The following TAF1B variants were observed in gnomAD, a reference collection of about 807,000 sequenced individuals.
TAF1B encodes TATA box-binding protein-associated factor RNA polymerase I subunit B.
In TAF1B, 61 loss-of-function variants were observed where a neutral mutation model predicts 83.9. The ratio of observed to expected loss-of-function variants is 0.73; its 90% confidence interval spans 0.59 to 0.90. The LOEUF (loss-of-function observed/expected upper bound fraction) is 0.90, where lower values mean the gene tolerates loss of function less well. Among genes scored for constraint, TAF1B ranks in the 40% least tolerant of loss-of-function variants. The probability of loss-of-function intolerance (pLI) is 0.00; values close to 1 mark genes in which losing one functional copy is unlikely to be tolerated. For synonymous variants in TAF1B, 221 were observed against 224.6 expected (o/e 0.98, Z 0.14); for missense variants, 625 against 677.0 (o/e 0.92, Z 0.85).
intron 8 of TAF1B, among the ~76,000 whole-genome samples, chr2:9,885,274 T>A (rs1022606744): frequency 1.3e-5 from 2 of 152,294 alleles, no homozygotes; most frequent in East Asian, 1.9e-4. Context: ...GGATATCAGC[T>A]GAACTGTTTA....
At chr2:9,867,384 C>T (rs1000645140) in intron 5 of TAF1B, among the ~76,000 whole-genome samples, 2 of 152,254 alleles carry the variant, frequency 1.3e-5, no homozygotes, top group Non-Finnish European at 1.5e-5. Flanking sequence ...CATCAGCCAG[C>T]TTTCTGGTGT....
intron 11 of TAF1B, 118 bp downstream of exon 11, chr2:9,911,675 CA>C (rs1399044303): frequency 1.7e-6 from 1 of 579,234 alleles, no homozygotes; most frequent in Non-Finnish European, 2.8e-6. Context: ...CACATGTATA[CA>C]AATTGTATAT....
intron 8 of TAF1B, among the ~76,000 whole-genome samples, chr2:9,892,680 C>T (rs1296367378): frequency 3.3e-5 from 5 of 152,176 alleles, no homozygotes; most frequent in Non-Finnish European, 7.3e-5. Context: ...ATTCATCCAT[C>T]GATGGACACT....
At chr2:9,892,171 A>G (rs1664890294) in intron 8 of TAF1B, among the ~76,000 whole-genome samples, 1 of 152,158 alleles carries the variant, frequency 6.6e-6, no homozygotes, top group Admixed American at 6.5e-5. Context: ...AATACTTGCC[A>G]TTGTGTTACA....
At chr2:9,873,519 T>G (rs1664231676) in intron 6 of TAF1B, among the ~76,000 whole-genome samples, 1 of 152,138 alleles carries the variant, frequency 6.6e-6, no homozygotes. Flanking sequence ...AAAGTATAGA[T>G]TCTTATATTC....
intron 8 of TAF1B, among the ~76,000 whole-genome samples, chr2:9,885,874 T>C (rs374000821): frequency 1.2e-4 from 19 of 152,252 alleles, no homozygotes; most frequent in African/African-American, 4.3e-4. Flanking sequence ...GAAATCATCA[T>C]GTTATCTTTA....
chr2:9,903,375 G>T (rs383724), intron 8 of TAF1B, among the ~76,000 whole-genome samples: 1 of 151,994 alleles, frequency 6.6e-6, no homozygotes, highest in Non-Finnish European at 1.5e-5. Context: ...GTGGGCCACC[G>T]TACCCTGGCC....
At position 9,913,211 on chromosome 2, in the gene TAF1B, T is replaced by G; in HGVS notation, c.1233T>G (p.Phe411Leu). 6.2e-7 allele frequency: 1 copy of G among 1,613,246 alleles called. No individual in the cohort carries two copies. The highest frequency in any genetic ancestry group is 8.5e-7 in the Non-Finnish European group (1 of 1,179,762). The change falls in exon 12 of 15, where the codon TTT (phenylalanine) becomes TTG (leucine). Residue 411 changes from phenylalanine (F) to leucine (L), a missense_variant. Phe to Leu is a conservative substitution (Grantham distance 22). Transcript: ENST00000263663. Reference sequence around the variant, plus strand: ...GGTACCAAATTATGAAGAAAGCTTTTGATGAGAAAAAACAAAAATGGGAAG... The same window carrying G: ...GGTACCAAATTATGAAGAAAGCTTTGGATGAGAAAAAACAAAAATGGGAAG... Reference protein sequence around the residue: ...RKWYQIMKKAFDEKKQKWEEA... With the variant: ...RKWYQIMKKALDEKKQKWEEA...
At chr2:9,863,570 T>C (rs1464599761) in intron 5 of TAF1B, among the ~76,000 whole-genome samples, 1 of 152,192 alleles carries the variant, frequency 6.6e-6, no homozygotes, top group African/African-American at 2.4e-5. Context: ...TATCCAGGAA[T>C]TGAACTCAGC....
chr2:9,920,585 G>GTGGA (rs1558268461), intron 14 of TAF1B, among the ~76,000 whole-genome samples: 2 of 117,866 alleles, frequency 1.7e-5, no homozygotes, highest in Non-Finnish European at 3.4e-5. Context: ...GGGGCGGGGG[G>GTGGA]CGGGGGGTCC....
chr2:9,863,601 T>C (rs1167251691), intron 5 of TAF1B, among the ~76,000 whole-genome samples: 1 of 152,210 alleles, frequency 6.6e-6, no homozygotes, highest in Non-Finnish European at 1.5e-5. Flanking sequence ...GTGGACCTAA[T>C]AGACATCTAT....
At chr2:9,888,569 G>A (rs1664748753) in intron 8 of TAF1B, among the ~76,000 whole-genome samples, 1 of 151,798 alleles carries the variant, frequency 6.6e-6, no homozygotes, top group East Asian at 1.9e-4. Context: ...TAGAATTCTA[G>A]TTTCATACCT....
chr2:9,854,414 A>G lies in TAF1B; in HGVS notation c.392A>G (p.Lys131Arg). 1 of 1,612,640 alleles carries G rather than the reference A, an allele frequency of 6.2e-7. No individual in the cohort carries two copies. Reference sequence around the variant, plus strand: ...AACCCAGTTTATACCACTGGAAGGAAACCTACGGTAAGTCACAAGTCTGAA... The same window carrying G: ...AACCCAGTTTATACCACTGGAAGGAGACCTACGGTAAGTCACAAGTCTGAA... ...CKNPVYTTGR[K>R]PTVLEDNLSH... Residue 131 changes from lysine (K) to arginine (R), a missense_variant, in exon 5 of 15, where the codon AAA becomes AGA. Coordinates refer to ENST00000263663, the MANE Select transcript of TAF1B (RefSeq NM_005680.3).
At chr2:9,908,496 G>A (rs892747816) in intron 9 of TAF1B, among the ~76,000 whole-genome samples, 9 of 152,116 alleles carry the variant, frequency 5.9e-5, no homozygotes, top group African/African-American at 2.2e-4. Flanking sequence ...TTTTAGTGAA[G>A]GTATTTTAAA....
chr2:9,848,274 G>A (rs1331331890), intron 2 of TAF1B, among the ~76,000 whole-genome samples: 5 of 152,122 alleles, frequency 3.3e-5, no homozygotes, highest in Non-Finnish European at 7.3e-5. Flanking sequence ...TTATTCTTAT[G>A]GAGGGTTAAA....
chr2:9,856,527 T>C (rs1476517073), intron 5 of TAF1B, among the ~76,000 whole-genome samples: 1 of 152,142 alleles, frequency 6.6e-6, no homozygotes, highest in Non-Finnish European at 1.5e-5. Flanking sequence ...GGTAACACTT[T>C]GAAAAAGAAA....
At chr2:9,884,980 A>G (rs971111220) in intron 8 of TAF1B, among the ~76,000 whole-genome samples, 6 of 152,230 alleles carry the variant, frequency 3.9e-5, no homozygotes, top group African/African-American at 9.6e-5. Context: ...TTCCATGCAT[A>G]TTCAACTGTA....
chr2:9,892,781 C>G (rs150891003), intron 8 of TAF1B, among the ~76,000 whole-genome samples: 143 of 152,236 alleles, frequency 9.4e-4, no homozygotes, highest in African/African-American at 3.3e-3. Context: ...TATTATCCAG[C>G]AGTAGGATTG....
chr2:9,888,726 C>G (rs1056231047), intron 8 of TAF1B, among the ~76,000 whole-genome samples: 2 of 145,838 alleles, frequency 1.4e-5, no homozygotes, highest in African/African-American at 5.1e-5. Context: ...CTCTTTATCA[C>G]TGGATCTCAC....
Sources: gnomAD v4.1 joint callset for allele counts (sites outside exome capture counted in the v4.1 genomes callset) on GRCh38, gnomAD v4.1.1 for gene constraint, MANE v1.5 for transcripts, NCBI Gene and HGNC (gene_info 2026-07-23, HGNC 2026-07-21) for gene names.